MTUS2: variants seen among roughly 807,000 people sequenced by gnomAD.
The protein encoded by MTUS2 is microtubule-associated tumor suppressor candidate 2.
A neutral mutation model predicts 114.1 loss-of-function variants in MTUS2; 40 were observed. That is an observed-to-expected ratio of 0.35 (90% CI 0.27 to 0.46). MTUS2 has a LOEUF of 0.46. MTUS2 is among the 20% of genes least tolerant of loss of function. The pLI is 1.00. For missense variants in MTUS2, 1,679 were observed against 1,705.4 expected (o/e 0.98, Z 0.27); for synonymous variants, 688 against 672.0 (o/e 1.02, Z -0.37).
At chr13:29,273,079 C>T (rs1257023706) in intron 5 of MTUS2, among the ~76,000 whole-genome samples, 2 of 152,188 alleles carry the variant, frequency 1.3e-5, no homozygotes, top group African/African-American at 4.8e-5. Context: ...GCCCAATCAC[C>T]TTTAAGCCCC....
intron 5 of MTUS2, among the ~76,000 whole-genome samples, chr13:29,111,576 C>T (rs919048289): frequency 3.9e-5 from 6 of 152,178 alleles, no homozygotes; most frequent in Non-Finnish European, 7.3e-5. Flanking sequence ...TCACTTGAGA[C>T]TATGGCAGAG....
intron 8 of MTUS2, among the ~76,000 whole-genome samples, chr13:29,434,411 T>C (rs1341112079): frequency 6.6e-6 from 1 of 152,132 alleles, no homozygotes; most frequent in Non-Finnish European, 1.5e-5. Context: ...TAGATCACAG[T>C]GTTCTGTAAT....
intron 2 of MTUS2, among the ~76,000 whole-genome samples, chr13:28,964,739 C>CTTTTTTTTTTTTTTTTTTTTTTT (rs771989715): frequency 1.3e-4 from 19 of 147,182 alleles, no homozygotes; most frequent in Admixed American, 2.1e-4. Flanking sequence ...GTACAAGAAG[C>CTTTTTTTTTTTTTTTTTTTTTTT]TTTTTTGTGT....
intron 6 of MTUS2, among the ~76,000 whole-genome samples, chr13:29,309,283 A>T (rs1490687943): frequency 6.6e-6 from 1 of 152,194 alleles, no homozygotes; most frequent in Non-Finnish European, 1.5e-5. Context: ...CTTTGCAGGG[A>T]CACAGATGGA....
At chr13:29,371,054 A>G (rs1566159768) in intron 8 of MTUS2, among the ~76,000 whole-genome samples, 1 of 152,204 alleles carries the variant, frequency 6.6e-6, no homozygotes, top group East Asian at 1.9e-4. Flanking sequence ...GTGATGTTCA[A>G]TTATTGCAGT....
intron 2 of MTUS2, among the ~76,000 whole-genome samples, chr13:28,929,896 T>C (rs533245350): frequency 6.6e-6 from 1 of 152,208 alleles, no homozygotes; most frequent in African/African-American, 2.4e-5. Flanking sequence ...GTCTGGCAAG[T>C]GTTTTAAGAA....
At chr13:29,073,326 C>T (rs556836934) in intron 4 of MTUS2, among the ~76,000 whole-genome samples, 8 of 152,288 alleles carry the variant, frequency 5.3e-5, no homozygotes, top group African/African-American at 1.9e-4. Context: ...CAGTTAGCCT[C>T]GTGTTTTGTA....
intron 5 of MTUS2, among the ~76,000 whole-genome samples, chr13:29,246,895 TAAAAAAA>T (rs56102503): frequency 7.3e-6 from 1 of 136,780 alleles, no homozygotes; most frequent in Non-Finnish European, 1.6e-5. Context: ...TTCACATAAC[TAAAAAAA>T]AAAAAAAACA....
intron 5 of MTUS2, among the ~76,000 whole-genome samples, chr13:29,258,346 G>A (rs1593231412): frequency 2.6e-5 from 4 of 152,222 alleles, no homozygotes; most frequent in Middle Eastern, 6.8e-3. Context: ...TTCTTCTTGT[G>A]CTTTGAATCT....
At chr13:29,298,330 A>C (rs904266360) in intron 6 of MTUS2, among the ~76,000 whole-genome samples, 1 of 152,214 alleles carries the variant, frequency 6.6e-6, no homozygotes, top group Non-Finnish European at 1.5e-5. Context: ...TTCCCTGGGA[A>C]TAGGCTGCTA....
intron 8 of MTUS2, among the ~76,000 whole-genome samples, chr13:29,361,793 GA>G (rs998567033): frequency 6.6e-6 from 1 of 152,206 alleles, no homozygotes; most frequent in African/African-American, 2.4e-5. Flanking sequence ...TGTATAGCCT[GA>G]AAATGCATGA....
At chr13:29,042,844 G>A (rs1051984000) in intron 4 of MTUS2, among the ~76,000 whole-genome samples, 1 of 151,868 alleles carries the variant, frequency 6.6e-6, no homozygotes, top group African/African-American at 2.4e-5. Context: ...TAGTTTATTT[G>A]GATCTTCCCT....
intron 2 of MTUS2, among the ~76,000 whole-genome samples, chr13:28,931,863 G>A (rs982436174): frequency 2.6e-5 from 4 of 152,008 alleles, no homozygotes; most frequent in Non-Finnish European, 5.9e-5. Flanking sequence ...GTTGTGTGAT[G>A]TTCCCCTTCC....
intron 8 of MTUS2, among the ~76,000 whole-genome samples, chr13:29,373,519 C>A (rs765806615): frequency 1.2e-4 from 19 of 152,186 alleles, no homozygotes; most frequent in Non-Finnish European, 2.8e-4. Flanking sequence ...CCTGGGCTCA[C>A]CCCTGAGCTG....
At chr13:29,300,147 A>G (rs1176838449) in intron 6 of MTUS2, among the ~76,000 whole-genome samples, 3 of 152,168 alleles carry the variant, frequency 2.0e-5, no homozygotes, top group African/African-American at 2.4e-5. Context: ...CAAGAATAAT[A>G]TTTTAGGTAA....
chr13:28,883,133 T>A (rs900341870), intron 2 of MTUS2, among the ~76,000 whole-genome samples: 13 of 152,084 alleles, frequency 8.5e-5, no homozygotes, highest in Non-Finnish European at 1.8e-4. Flanking sequence ...ATGGCTAGAA[T>A]AAAAATAGCG....
At chr13:29,487,635 C>A in intron 10 of MTUS2, 1 of 495,766 alleles carries the variant, frequency 2.0e-6, no homozygotes, top group South Asian at 2.2e-5. Flanking sequence ...GGTCCAGGAG[C>A]CACACTCAGG....
chr13:29,434,395 C>G (rs951657703), intron 8 of MTUS2, among the ~76,000 whole-genome samples: 3 of 152,308 alleles, frequency 2.0e-5, no homozygotes, highest in South Asian at 2.1e-4. Flanking sequence ...CCTTGCCCTG[C>G]TGGGTTAGAT....
Position 28,945,951 on chromosome 13 carries a change from CT to C in MTUS2, c.-242-78502del, listed in dbSNP as rs200936068. Among the ~76,000 whole-genome samples, 862 of 152,218 alleles carry C rather than the reference CT, an allele frequency of 5.7e-3. 10 individuals are homozygous for C. In the East Asian group the frequency reaches 0.067, roughly 12 times the overall value. ...CTCTTTTGAAAATGTATGTAGTGGT[CT>C]TTTAGGACTCTGAAAGACAGCTTTA... is the stretch of plus-strand genomic sequence containing the variant. On this transcript the variant is annotated intron_variant, in intron 2 of 15. Transcript: ENST00000612955.
Sources: gnomAD v4.1 joint callset for allele counts (sites outside exome capture counted in the v4.1 genomes callset) on GRCh38, gnomAD v4.1.1 for gene constraint, MANE v1.5 for transcripts, NCBI Gene and HGNC (gene_info 2026-07-23, HGNC 2026-07-21) for gene names.